Variants in DSC2 observed in about 807,000 individuals in gnomAD.
DSC2 encodes desmocollin 2, also known as desmocollin-2.
DSC2 carries 51 observed loss-of-function variants against 87.6 expected under a neutral mutation model. The observed-to-expected ratio is 0.58, with a 90% confidence interval of 0.46 to 0.74. The LOEUF (loss-of-function observed/expected upper bound fraction) is 0.74, where lower values mean the gene tolerates loss of function less well. DSC2 is among the 30% of genes least tolerant of loss of function. The probability of loss-of-function intolerance (pLI) is 0.00; values close to 1 mark genes in which losing one functional copy is unlikely to be tolerated. For missense variants in DSC2, 1,066 were observed against 1,089.5 expected (o/e 0.98, Z 0.30); for synonymous variants, 383 against 393.2 (o/e 0.97, Z 0.31).
chr18:31,087,568 C>G, intron 6 of DSC2, 101 bp downstream of exon 6: 1 of 1,366,666 alleles, frequency 7.3e-7, no homozygotes. Context: ...GTCCCTTATT[C>G]TTGCTGCTGG....
chr18:31,095,537 G>A (rs971876139), intron 1 of DSC2, among the ~76,000 whole-genome samples: 4 of 152,174 alleles, frequency 2.6e-5, no homozygotes, highest in African/African-American at 9.7e-5. Flanking sequence ...ATCTAAGAGT[G>A]GGGTAATGGT....
Position 31,071,799 on chromosome 18 carries a change from C to A in DSC2, c.1931G>T (p.Gly644Val). The A allele has an allele frequency of 6.2e-7, 1 of 1,613,922 alleles. No homozygotes were observed. Among genetic ancestry groups the A allele is most frequent in the Non-Finnish European group, 8.5e-7 (1 of 1,179,912 alleles). ...RLSYQNDPPF[G>V]SYVVPITVRD... Reference sequence around the variant, plus strand: ...CACTGTTATAGGTACTACATATGAGCCAAATGGAGGATCATTCTGATAGGA... The same window carrying A: ...CACTGTTATAGGTACTACATATGAGACAAATGGAGGATCATTCTGATAGGA... Residue 644 changes from glycine to valine, a missense_variant, in exon 13 of 16, where the codon GGC becomes GTC. By Grantham distance (109) the Gly-to-Val change is moderately radical. Coordinates refer to ENST00000280904, the MANE Select transcript of DSC2 (RefSeq NM_024422.6).
intron 1 of DSC2, among the ~76,000 whole-genome samples, chr18:31,101,068 G>A (rs1403973548): frequency 6.6e-6 from 1 of 151,270 alleles, no homozygotes; most frequent in Non-Finnish European, 1.5e-5. Context: ...AAGAACCTGG[G>A]GCAAGGGGCG....
chr18:31,078,743 T>G (rs186075918), intron 11 of DSC2, among the ~76,000 whole-genome samples: 1 of 152,194 alleles, frequency 6.6e-6, no homozygotes, highest in Admixed American at 6.5e-5. Context: ...ACATAAATCA[T>G]CTTCCAAAAT....
At chr18:31,086,767 T>A in intron 6 of DSC2, 25 bp from the exon 7 acceptor site, 1 of 1,608,596 alleles carries the variant, frequency 6.2e-7, no homozygotes, top group East Asian at 2.2e-5. Context: ...TCCTTTTTAA[T>A]CTCCAAAACA....
intron 5 of DSC2, among the ~76,000 whole-genome samples, 178 bp downstream of exon 5, chr18:31,089,261 C>T (rs1987508601): frequency 6.6e-6 from 1 of 151,120 alleles, no homozygotes; most frequent in South Asian, 2.1e-4. Flanking sequence ...TAATGGAATC[C>T]AATATTATTT....
intron 9 of DSC2, 143 bp downstream of exon 9, chr18:31,082,095 T>C: frequency 2.7e-6 from 2 of 743,542 alleles, no homozygotes; most frequent in South Asian, 2.0e-5. Context: ...ATTCTTTCCA[T>C]TGTATATGAA....
At chr18:31,082,144 T>G in intron 9 of DSC2, 94 bp downstream of exon 9, 1 of 1,207,672 alleles carries the variant, frequency 8.3e-7, no homozygotes, top group Non-Finnish European at 1.2e-6. Flanking sequence ...CCTATTTTAT[T>G]CTACATTTAT....
chr18:31,091,094 TC>T lies in DSC2; in HGVS notation c.407del (p.Arg136AsnfsTer10). ...GCATCGAACAAGGAATTGGAGCCCA[TC>T]TTCTCTTGGCGCGCCTTAGAACTTT... ...KEKVLRRAKR[R>X]WAPIPCSMLE... On this transcript the variant is annotated frameshift_variant, in exon 4 of 16. Coordinates refer to ENST00000280904, the MANE Select transcript of DSC2 (RefSeq NM_024422.6). LOFTEE classifies it high-confidence loss of function. 1 of 1,614,066 alleles carries T rather than the reference TC, an allele frequency of 6.2e-7. No homozygotes were observed. Among genetic ancestry groups the T allele is most frequent in the Non-Finnish European group, 8.5e-7 (1 of 1,179,952 alleles).
intron 7 of DSC2, 139 bp from the exon 8 acceptor site, chr18:31,083,199 A>G: frequency 1.0e-6 from 1 of 999,036 alleles, no homozygotes; most frequent in Non-Finnish European, 1.5e-6. Context: ...GTGTATTAGA[A>G]GAATTTTCTC....
Position 31,063,038 on chromosome 18 carries a change from A to G in DSC2, c.*4977T>C, listed in dbSNP as rs1265340672. ...TGACCTGGGCAATATAATTTGATGA[A>G]TCAAAATTTGGCCAGGCACAGTGGC... On this transcript the variant is annotated 3_prime_UTR_variant, in exon 16 of 16. Transcript: ENST00000280904. The G allele has an allele frequency of 6.6e-6, 1 of 152,122 alleles. No individual in the cohort carries two copies. The highest frequency in any genetic ancestry group is 1.5e-5 in the Non-Finnish European group (1 of 68,010). 9.4% of individuals were successfully genotyped at this position (152,122 alleles called of 1,614,324 possible). A position where few individuals can be genotyped will look rare whatever the true frequency, so the allele number is the denominator to read the frequency against.
In DSC2 at chr18:31,074,810, G is replaced by A; in HGVS notation, c.1761C>T (p.Pro587=). ...IPKKTVIICK[P]TMSSAEIVAV... is the part of the protein sequence containing the mutation. Reference sequence around the variant, plus strand: ...CAACAATCTCCGCAGATGACATGGTGGGTTTGCAGATGATCACTGTCTTTT... The same window carrying A: ...CAACAATCTCCGCAGATGACATGGTAGGTTTGCAGATGATCACTGTCTTTT... Residue 587 remains proline (P), a synonymous_variant, in exon 12 of 16, where the codon CCC becomes CCT. Coordinates refer to ENST00000280904, the MANE Select transcript of DSC2 (RefSeq NM_024422.6). The A allele has an allele frequency of 6.2e-7, 1 of 1,613,994 alleles. No individual in the cohort carries two copies. Among genetic ancestry groups the A allele is most frequent in the South Asian group, 1.1e-5 (1 of 91,066 alleles).
intron 12 of DSC2, among the ~76,000 whole-genome samples, chr18:31,074,259 C>G (rs1986928458): frequency 1.3e-5 from 2 of 152,090 alleles, no homozygotes; most frequent in South Asian, 4.1e-4. Flanking sequence ...CTTGAGATGC[C>G]CTGCCTCAGG....
Position 31,080,095 on chromosome 18 carries a change from C to A in DSC2, c.1520+1G>T. On this transcript the variant is annotated splice_donor_variant, in intron 10 of 15. Coordinates refer to ENST00000280904, the MANE Select transcript of DSC2 (RefSeq NM_024422.6). LOFTEE classifies it high-confidence loss of function. The stretch of plus-strand genomic sequence containing the variant: ...TAAAACTAAAATAGAATGGTAAGTA[C>A]CTTATGCCACTGCTACTTCTTGTTT... The A allele has an allele frequency of 6.2e-7, 1 of 1,613,806 alleles. No individual in the cohort carries two copies. The highest frequency in any genetic ancestry group is 1.1e-5 in the South Asian group (1 of 91,084).
chr18:31,095,930 G>A (rs993370548), intron 1 of DSC2, among the ~76,000 whole-genome samples: 1 of 151,986 alleles, frequency 6.6e-6, no homozygotes, highest in Non-Finnish European at 1.5e-5. Flanking sequence ...AAGGCCCAGA[G>A]ATGGCACAGA....
chr18:31,077,751 T>C (rs565471058), intron 11 of DSC2, among the ~76,000 whole-genome samples: 1 of 152,284 alleles, frequency 6.6e-6, no homozygotes, highest in Admixed American at 6.5e-5. Flanking sequence ...AGGTGCACTA[T>C]CCATGGTTTC....
intron 1 of DSC2, chr18:31,101,095 G>A (rs1203486147): frequency 4.2e-6 from 3 of 710,794 alleles, no homozygotes; most frequent in Non-Finnish European, 5.2e-6. Context: ...CGGGGGGCGG[G>A]TGGTGAGCAG....
chr18:31,079,194 C>T (rs959435335), intron 11 of DSC2, among the ~76,000 whole-genome samples: 2 of 152,142 alleles, frequency 1.3e-5, no homozygotes, highest in African/African-American at 4.8e-5. Context: ...AAAGTGAACA[C>T]TTTAAGCGAA....
chr18:31,081,897 G>C (rs1222369798), intron 9 of DSC2, among the ~76,000 whole-genome samples: 1 of 152,152 alleles, frequency 6.6e-6, no homozygotes, highest in Non-Finnish European at 1.5e-5. Context: ...AATTCAGTAA[G>C]TAAATAAAGG....
Sources: gnomAD v4.1 joint callset for allele counts (sites outside exome capture counted in the v4.1 genomes callset) on GRCh38, gnomAD v4.1.1 for gene constraint, MANE v1.5 for transcripts, NCBI Gene and HGNC (gene_info 2026-07-23, HGNC 2026-07-21) for gene names.